Variants in AAK1 observed in about 807,000 individuals in gnomAD.
The protein encoded by AAK1 is AP2 associated kinase 1, also known as AP2-associated protein kinase 1.
Under a neutral mutation model 116.0 loss-of-function variants are expected in AAK1, and 37 were observed. That is an observed-to-expected ratio of 0.32 (90% confidence interval 0.25 to 0.42). The LOEUF (loss-of-function observed/expected upper bound fraction) is 0.42. Among genes scored for constraint, AAK1 ranks in the 10% least tolerant of loss-of-function variants. AAK1 has a pLI of 1.00. For missense variants in AAK1, 919 were observed against 1,170.6 expected (o/e 0.79, Z 3.14); for synonymous variants, 458 against 439.9 (o/e 1.04, Z -0.51).
intron 2 of AAK1, among the ~76,000 whole-genome samples, chr2:69,634,870 G>C (rs971634221): frequency 6.6e-6 from 1 of 151,766 alleles, no homozygotes; most frequent in Non-Finnish European, 1.5e-5. Context: ...TTTTTTTGAG[G>C]AACAAAAAAT....
chr2:69,485,480 A>G (rs562407769), intron 17 of AAK1, among the ~76,000 whole-genome samples: 1 of 152,112 alleles, frequency 6.6e-6, no homozygotes, highest in Non-Finnish European at 1.5e-5. Flanking sequence ...CCACATCAGG[A>G]ATCTTCTGGA....
At chr2:69,505,779 A>T (rs1329390126) in intron 15 of AAK1, 106 bp from the exon 16 acceptor site, 1 of 706,462 alleles carries the variant, frequency 1.4e-6, no homozygotes, top group East Asian at 3.0e-5. Flanking sequence ...GGACTTGACT[A>T]CTTTTACTGC....
chr2:69,479,577 C>T (rs1002626172), intron 19 of AAK1, among the ~76,000 whole-genome samples: 9 of 152,118 alleles, frequency 5.9e-5, no homozygotes, highest in Non-Finnish European at 1.3e-4. Context: ...GACAAAGTAT[C>T]CAAACTGATT....
intron 17 of AAK1, among the ~76,000 whole-genome samples, chr2:69,486,181 T>C (rs1002315044): frequency 6.6e-6 from 1 of 151,920 alleles, no homozygotes; most frequent in Non-Finnish European, 1.5e-5. Flanking sequence ...AGGACAATCT[T>C]AAGCTCCTGG....
chr2:69,614,776 T>C (rs896540744), intron 2 of AAK1, among the ~76,000 whole-genome samples: 1 of 152,120 alleles, frequency 6.6e-6, no homozygotes, highest in Admixed American at 6.5e-5. Context: ...TAATGATAAG[T>C]GTCCTTAGAA....
intron 2 of AAK1, among the ~76,000 whole-genome samples, chr2:69,587,338 TGC>T (rs1491210799): frequency 3.3e-5 from 5 of 149,912 alleles, no homozygotes; most frequent in Non-Finnish European, 7.4e-5. Flanking sequence ...CACATATGCG[TGC>T]ACACACACAT....
intron 2 of AAK1, among the ~76,000 whole-genome samples, chr2:69,620,227 G>A (rs1242650489): frequency 6.6e-6 from 1 of 152,136 alleles, no homozygotes; most frequent in African/African-American, 2.4e-5. Flanking sequence ...AATGACAAGA[G>A]GTTTTTGGCC....
chr2:69,476,978 C>G lies in AAK1; in HGVS notation c.2693G>C (p.Ser898Thr), dbSNP rs964944461. The G allele has an allele frequency of 1.9e-6, 3 of 1,611,000 alleles. No homozygotes were observed. The African/African-American group carries it at 4.0e-5, about 21-fold the overall frequency. The part of the protein sequence containing the change: ...SAPVHKAAED[S>T]NLISGFDVPE... ...GACATCAAAACCTGAGATGAGATTA[C>G]TATCTTCTGCAGCTTAATACAGAAT... Residue 898 changes from serine (S) to threonine (T), a missense_variant, in exon 21 of 22, where the codon AGT becomes ACT. Transcript: ENST00000409085.
rs1174459919 is a variant in AAK1, at chr2:69,462,279, T to C, written c.*13590A>G. ...ATATACCTAATGCTAAATGACGAGT[T>C]AGTGGGTGCAGCACACGAGCATGGC... On this transcript the variant is annotated 3_prime_UTR_variant, in exon 22 of 22. Coordinates refer to ENST00000409085, the MANE Select transcript of AAK1 (RefSeq NM_014911.5). 6.7e-6 allele frequency: 1 copy of C among 148,250 alleles called. No individual in the cohort carries two copies. Among genetic ancestry groups the C allele is most frequent in the African/African-American group, 2.5e-5 (1 of 40,316 alleles). The allele number at this position is 148,250 out of a possible 1,614,324, so 9.2% of individuals were successfully genotyped here.
At chr2:69,483,391 T>A (rs1675169834) in intron 17 of AAK1, among the ~76,000 whole-genome samples, 1 of 152,190 alleles carries the variant, frequency 6.6e-6, no homozygotes, top group Non-Finnish European at 1.5e-5. Flanking sequence ...ATCCGTGTGG[T>A]CGCAAGTATC....
At chr2:69,591,517 C>CTTTTTTTTTTTTTTTTTTTTTTT (rs200675453) in intron 2 of AAK1, among the ~76,000 whole-genome samples, 1 of 135,062 alleles carries the variant, frequency 7.4e-6, no homozygotes, top group African/African-American at 2.7e-5. Flanking sequence ...TTCTTTTTTT[C>CTTTTTTTTTTTTTTTTTTTTTTT]TTTTTCTTTT....
Position 69,520,831 on chromosome 2 carries a change from A to T in AAK1, c.1210+3T>A, listed in dbSNP as rs1669745836. On this transcript the variant is annotated splice_donor_region_variant and intron_variant, in intron 11 of 21. Transcript: ENST00000409085. ...TGAGTTTCAAACCAATCTAGATACA[A>T]ACCTGCAGCCTGAGGTGGGGGCTGA... 1 of 1,542,996 alleles carries T rather than the reference A, an allele frequency of 6.5e-7. No individual in the cohort carries two copies. Among genetic ancestry groups the T allele is most frequent in the Admixed American group, 2.2e-5 (1 of 46,010 alleles).
intron 2 of AAK1, among the ~76,000 whole-genome samples, chr2:69,633,104 C>T (rs1675274555): frequency 6.6e-6 from 1 of 150,420 alleles, no homozygotes; most frequent in African/African-American, 2.4e-5. Flanking sequence ...ACCTGTAGTC[C>T]CAGCTACTCA....
chr2:69,602,750 G>A (rs1266700808), intron 2 of AAK1, among the ~76,000 whole-genome samples: 1 of 152,082 alleles, frequency 6.6e-6, no homozygotes, highest in Admixed American at 6.6e-5. Flanking sequence ...CTTCAGAGCT[G>A]TGCAGATCTG....
At chr2:69,640,099 T>C (rs751229772) in intron 2 of AAK1, among the ~76,000 whole-genome samples, 1 of 148,088 alleles carries the variant, frequency 6.8e-6, no homozygotes, top group Non-Finnish European at 1.5e-5. Flanking sequence ...CATATATACA[T>C]ATGATGTATA....
intron 16 of AAK1, among the ~76,000 whole-genome samples, chr2:69,497,037 C>T (rs1289252554): frequency 6.6e-6 from 1 of 152,110 alleles, no homozygotes; most frequent in Non-Finnish European, 1.5e-5. Flanking sequence ...AATTTTCTGG[C>T]ACAATTTTCT....
chr2:69,585,943 C>A lies in AAK1; in HGVS notation c.164-28965G>T, dbSNP rs555727073. On this transcript the variant is annotated intron_variant, in intron 2 of 21. Coordinates refer to ENST00000409085, the MANE Select transcript of AAK1 (RefSeq NM_014911.5). The stretch of plus-strand genomic sequence containing the variant: ...AAAATATACAAAAATTGGCCTAGCA[C>A]AGTGCTGGGCAAACAACTCTTCCCT... Among the ~76,000 whole-genome samples, 4 of 152,260 alleles carry A rather than the reference C, an allele frequency of 2.6e-5. No individual in the cohort carries two copies. In the South Asian group the frequency reaches 8.3e-4, roughly 32 times the overall value.
chr2:69,631,081 A>T (rs746147482), intron 2 of AAK1, among the ~76,000 whole-genome samples: 1 of 152,218 alleles, frequency 6.6e-6, no homozygotes, highest in Non-Finnish European at 1.5e-5. Context: ...CCAAGGTACT[A>T]GCAGGAGACC....
chr2:69,520,332 C>G (rs1334792921), intron 11 of AAK1, among the ~76,000 whole-genome samples: 3 of 151,890 alleles, frequency 2.0e-5, no homozygotes, highest in African/African-American at 7.3e-5. Context: ...TCTCCTTTTG[C>G]CAGCCATTTG....
Sources: gnomAD v4.1 joint callset for allele counts (sites outside exome capture counted in the v4.1 genomes callset) on GRCh38, gnomAD v4.1.1 for gene constraint, MANE v1.5 for transcripts, NCBI Gene and HGNC (gene_info 2026-07-23, HGNC 2026-07-21) for gene names.